DOCK4: variants seen among roughly 807,000 people sequenced by gnomAD.
DOCK4 encodes the protein dedicator of cytokinesis 4.
In DOCK4, 97 loss-of-function variants were observed where a neutral mutation model predicts 268.1. That is an observed-to-expected ratio of 0.36 (90% CI 0.31 to 0.43). The LOEUF is 0.43. Among genes scored for constraint, DOCK4 ranks in the 20% least tolerant of loss-of-function variants. The pLI, the probability that DOCK4 is intolerant of heterozygous loss-of-function variation, is 1.00. For missense variants in DOCK4, 2,145 were observed against 2,455.7 expected (o/e 0.87, Z 2.67); for synonymous variants, 954 against 887.2 (o/e 1.08, Z -1.34).
At chr7:111,739,720 T>A in intron 47 of DOCK4, 2 of 508,970 alleles carry the variant, frequency 3.9e-6, no homozygotes, top group Non-Finnish European at 7.1e-6. Context: ...TGTGACTTCG[T>A]ACCAGTTAGC....
At chr7:112,159,172 C>A (rs1468233697) in intron 1 of DOCK4, among the ~76,000 whole-genome samples, 4 of 152,162 alleles carry the variant, frequency 2.6e-5, no homozygotes, top group African/African-American at 9.7e-5. Flanking sequence ...GATGTTCTAG[C>A]ATCTTTTCAA....
intron 1 of DOCK4, among the ~76,000 whole-genome samples, chr7:112,104,224 C>G (rs1810941297): frequency 6.6e-6 from 1 of 152,180 alleles, no homozygotes; most frequent in Non-Finnish European, 1.5e-5. Flanking sequence ...TTAATGCATT[C>G]TCAATCTTAT....
intron 26 of DOCK4, 145 bp from the exon 27 acceptor site, chr7:111,822,601 G>C: frequency 1.4e-6 from 1 of 699,140 alleles, no homozygotes; most frequent in South Asian, 2.1e-5. Context: ...GTTTGCCCAA[G>C]GGAAGGAGTC....
At position 111,736,183 on chromosome 7, in the gene DOCK4, C is replaced by A. The variant is rs1795458448; in HGVS notation, c.5305+734G>T. Among the ~76,000 whole-genome samples, 3 of 152,072 alleles carry A rather than the reference C, an allele frequency of 2.0e-5. No individual in the cohort carries two copies. The South Asian group carries it at 6.2e-4, about 32-fold the overall frequency. ...ACAATAGTTTACTTCTTAATGAGGG[C>A]AATTAAAAGGCACTTTCCCAGACTA... is the stretch of plus-strand genomic sequence containing the variant. On this transcript the variant is annotated intron_variant, in intron 50 of 52. Transcript: ENST00000428084.
chr7:111,933,067 CATATAT>C (rs1216812669), intron 12 of DOCK4, among the ~76,000 whole-genome samples: 2 of 146,166 alleles, frequency 1.4e-5, no homozygotes, highest in African/African-American at 5.1e-5. Flanking sequence ...TATATATATA[CATATAT>C]ATACACATAT....
At chr7:112,172,563 G>A (rs963909810) in intron 1 of DOCK4, among the ~76,000 whole-genome samples, 12 of 152,178 alleles carry the variant, frequency 7.9e-5, no homozygotes, top group South Asian at 2.1e-4. Flanking sequence ...GGTAAAAATC[G>A]GGCAATAGTT....
At chr7:111,887,594 T>C (rs557471657) in intron 16 of DOCK4, among the ~76,000 whole-genome samples, 1 of 152,202 alleles carries the variant, frequency 6.6e-6, no homozygotes, top group East Asian at 1.9e-4. Context: ...TTTTAAAATG[T>C]CTAGTGGCTT....
intron 8 of DOCK4, among the ~76,000 whole-genome samples, chr7:111,960,321 G>A (rs904758873): frequency 2.7e-5 from 4 of 148,770 alleles, no homozygotes; most frequent in East Asian, 3.9e-4. Context: ...CCGAGATCGC[G>A]CCACTGCACT....
intron 1 of DOCK4, among the ~76,000 whole-genome samples, chr7:112,126,024 C>A (rs1813190029): frequency 6.6e-6 from 1 of 152,152 alleles, no homozygotes; most frequent in Admixed American, 6.6e-5. Context: ...TGATCTCAAA[C>A]TCCTGGGCTC....
At chr7:112,190,418 G>C (rs1819846862) in intron 1 of DOCK4, among the ~76,000 whole-genome samples, 2 of 152,162 alleles carry the variant, frequency 1.3e-5, no homozygotes, top group Non-Finnish European at 1.5e-5. Context: ...CACTCTCAAA[G>C]AACAGACATT....
chr7:112,071,339 C>T (rs1807564806), intron 1 of DOCK4, among the ~76,000 whole-genome samples: 1 of 152,082 alleles, frequency 6.6e-6, no homozygotes, highest in African/African-American at 2.4e-5. Flanking sequence ...ATCTTTCAGA[C>T]TTTTCCCTCA....
chr7:111,877,606 C>T (rs1807013617), intron 16 of DOCK4, among the ~76,000 whole-genome samples: 1 of 152,142 alleles, frequency 6.6e-6, no homozygotes, highest in Admixed American at 6.6e-5. Context: ...ATTCTTCCAA[C>T]ATCTCATCTG....
chr7:112,184,832 T>G (rs977681502), intron 1 of DOCK4, among the ~76,000 whole-genome samples: 1 of 152,178 alleles, frequency 6.6e-6, no homozygotes, highest in Non-Finnish European at 1.5e-5. Flanking sequence ...GAAGAGATTA[T>G]GGATGGTATC....
Position 111,746,362 on chromosome 7 carries a change from G to T in DOCK4, c.4649C>A (p.Ala1550Glu). The T allele has an allele frequency of 6.2e-7, 1 of 1,612,874 alleles. No homozygotes were observed. Among genetic ancestry groups the T allele is most frequent in the African/African-American group, 1.3e-5 (1 of 75,028 alleles). ...LSHPEDGEKI[A>E]RLRELMLEQA... ...CTCAAGCATCAGCTCTCTTAATCGTGCAATTTTCTCCCCATCTTCAGGGTG... is the reference window on the plus strand; with the variant it reads ...CTCAAGCATCAGCTCTCTTAATCGTTCAATTTTCTCCCCATCTTCAGGGTG... Residue 1550 changes from alanine (A) to glutamate (E), a missense_variant, in exon 44 of 53, where the codon GCA becomes GAA. Physicochemically the swap from Ala to Glu is moderately radical, Grantham distance 107. Transcript: ENST00000428084.
intron 12 of DOCK4, among the ~76,000 whole-genome samples, chr7:111,917,980 T>C (rs1263590310): frequency 6.6e-6 from 1 of 152,180 alleles, no homozygotes; most frequent in Non-Finnish European, 1.5e-5. Flanking sequence ...TCTCTTTCAA[T>C]AATAGAGCAA....
At chr7:112,179,718 T>C (rs946449447) in intron 1 of DOCK4, among the ~76,000 whole-genome samples, 5 of 152,098 alleles carry the variant, frequency 3.3e-5, no homozygotes, top group African/African-American at 1.2e-4. Context: ...AAAACCCAGC[T>C]TAATTAGAAA....
At chr7:111,849,708 T>G (rs1188358920) in intron 23 of DOCK4, among the ~76,000 whole-genome samples, 2 of 152,190 alleles carry the variant, frequency 1.3e-5, no homozygotes, top group Admixed American at 6.5e-5. Context: ...GAAGCATCAC[T>G]GCAGGATGGG....
At chr7:112,136,985 C>T (rs971307680) in intron 1 of DOCK4, among the ~76,000 whole-genome samples, 1 of 151,954 alleles carries the variant, frequency 6.6e-6, no homozygotes, top group African/African-American at 2.4e-5. Flanking sequence ...GGCAGAGTGC[C>T]TCCAATACTG....
At chr7:111,935,209 A>G in intron 12 of DOCK4, 1 of 361,680 alleles carries the variant, frequency 2.8e-6, no homozygotes, top group East Asian at 7.1e-5. Context: ...CGGCCTCCCA[A>G]AGTGCTGGGA....
Sources: allele counts gnomAD v4.1 joint callset (sites outside exome capture counted in the v4.1 genomes callset), GRCh38; gene constraint gnomAD v4.1.1; transcripts MANE v1.5; gene names NCBI Gene and HGNC (gene_info 2026-07-23, HGNC 2026-07-21).